Variants in KRABD2 observed in about 807,000 individuals in gnomAD.
KRABD2 encodes the protein KRAB domain containing 2, also known as KRAB domain-containing protein 2.
chr17:8,368,406 T>C, the KRABD2 span, among the ~76,000 whole-genome samples: 9 of 152,196 alleles, frequency 5.9e-5, no homozygotes, highest in African/African-American at 2.2e-4. Flanking sequence ...AATTATGGCC[T>C]TCTCAGGGGA....
chr17:8,373,868 C>G, the KRABD2 span: 5 of 159,014 alleles, frequency 3.1e-5, no homozygotes, highest in Admixed American at 1.3e-4. Flanking sequence ...ACCGCCACCC[C>G]GTCTGGGAGG....
chr17:8,364,114 C>T, the KRABD2 span, among the ~76,000 whole-genome samples: 1 of 151,730 alleles, frequency 6.6e-6, no homozygotes. This position sits in a 1 kb window ranked among gnomAD's most constrained non-coding sequence, Gnocchi z 4.4. Context: ...GGTGATCCAC[C>T]CACCTTGGCC....
chr17:8,374,384 G>T, the KRABD2 span, among the ~76,000 whole-genome samples: 1 of 152,004 alleles, frequency 6.6e-6, no homozygotes, highest in Non-Finnish European at 1.5e-5. Context: ...ATGGATTAAG[G>T]GCAGTGCAAG....
chr17:8,370,926 T>C, the KRABD2 span, among the ~76,000 whole-genome samples: 2 of 152,130 alleles, frequency 1.3e-5, no homozygotes, highest in South Asian at 4.1e-4. Context: ...CCCAGCACTT[T>C]GGGAGGGCGA....
chr17:8,371,349 T>C, the KRABD2 span: 1 of 1,614,184 alleles, frequency 6.2e-7, no homozygotes, highest in East Asian at 2.2e-5. Flanking sequence ...GCATTGTGTC[T>C]CTGTAGCAAT....
the KRABD2 span, chr17:8,375,897 C>T: frequency 8.1e-7 from 1 of 1,228,616 alleles, no homozygotes; most frequent in South Asian, 4.3e-5. Flanking sequence ...TCCCTTCACC[C>T]ACCTGTGAGT....
the KRABD2 span, chr17:8,369,164 T>C: frequency 1.9e-6 from 3 of 1,613,870 alleles, no homozygotes; most frequent in East Asian, 6.7e-5. Flanking sequence ...AAGTCCCTTG[T>C]GAGGTGCTGG....
At chr17:8,376,685 G>T in the KRABD2 span, 1 of 984,314 alleles carries the variant, frequency 1.0e-6, no homozygotes, top group African/African-American at 1.7e-5. Flanking sequence ...TCCACCCAGA[G>T]GCCCCCGAGC....
At chr17:8,367,947 AAGTT>A in the KRABD2 span, among the ~76,000 whole-genome samples, 108 of 148,088 alleles carry the variant, frequency 7.3e-4, no homozygotes, top group African/African-American at 2.7e-3. Flanking sequence ...AAAAAAAAAA[AAGTT>A]AAGAGCAAAA....
At chr17:8,363,869 A>ATATATATT in the KRABD2 span, among the ~76,000 whole-genome samples, 1 of 120,826 alleles carries the variant, frequency 8.3e-6, no homozygotes, top group Non-Finnish European at 1.7e-5. Context: ...ATATTTATTT[A>ATATATATT]TTTATTTATT....
At chr17:8,366,872 C>A in the KRABD2 span, among the ~76,000 whole-genome samples, 1 of 152,224 alleles carries the variant, frequency 6.6e-6, no homozygotes, top group South Asian at 2.1e-4. Flanking sequence ...CAGGTGCATG[C>A]CACCGTGCCC....
At chr17:8,369,308 C>T in the KRABD2 span, 496 of 1,614,238 alleles carry the variant, frequency 3.1e-4, no homozygotes, top group Non-Finnish European at 3.9e-4. Context: ...GCTCTTCTTC[C>T]GTTTGTAAAG....
the KRABD2 span, chr17:8,369,703 C>T: frequency 1.2e-6 from 2 of 1,614,236 alleles, no homozygotes; most frequent in Non-Finnish European, 1.7e-6. Context: ...CTGACCACCT[C>T]ATGGGCCTGT....
At chr17:8,374,195 G>C in the KRABD2 span, among the ~76,000 whole-genome samples, 1 of 142,754 alleles carries the variant, frequency 7.0e-6, no homozygotes, top group African/African-American at 3.1e-5. Context: ...AGGGGGAAAT[G>C]TGGGGAAAAG....
chr17:8,371,911 T>C, the KRABD2 span: 6 of 994,610 alleles, frequency 6.0e-6, no homozygotes, highest in Admixed American at 5.8e-5. Flanking sequence ...GGGAGAGAAC[T>C]TGATACTCAG....
the KRABD2 span, among the ~76,000 whole-genome samples, chr17:8,363,861 A>T: frequency 1.6e-5 from 1 of 61,838 alleles, no homozygotes; most frequent in African/African-American, 6.6e-5. Context: ...ATATATATAT[A>T]TTTATTTATT....
the KRABD2 span, among the ~76,000 whole-genome samples, chr17:8,361,826 C>G: frequency 6.6e-6 from 1 of 152,186 alleles, no homozygotes; most frequent in Non-Finnish European, 1.5e-5. Context: ...AGCCACTGCA[C>G]CTGGCCCAAT....
chr17:8,376,411 G>A, the KRABD2 span: 1 of 1,109,020 alleles, frequency 9.0e-7, no homozygotes, highest in Non-Finnish European at 1.1e-6. Context: ...ATGCAGATAA[G>A]GCACTTAATA....
the KRABD2 span, chr17:8,369,663 C>T: frequency 8.1e-6 from 13 of 1,614,168 alleles, no homozygotes; most frequent in South Asian, 1.3e-4. Context: ...ACTGGGTGTA[C>T]CAAGAATTGT....
Sources: allele counts gnomAD v4.1 joint callset (sites outside exome capture counted in the v4.1 genomes callset), GRCh38; gene constraint gnomAD v4.1.1; non-coding constraint Gnocchi (gnomAD v3.1); transcripts MANE v1.5; gene names NCBI Gene and HGNC (gene_info 2026-07-23, HGNC 2026-07-21).